The following AUTS2 variants were observed in gnomAD, a reference collection of about 807,000 sequenced individuals.
AUTS2 encodes the protein activator of transcription and developmental regulator AUTS2, also known as autism susceptibility gene 2 protein.
A neutral mutation model predicts 112.4 loss-of-function variants in AUTS2; 17 were observed. That is an observed-to-expected ratio of 0.15 (90% confidence interval 0.10 to 0.23). The LOEUF (loss-of-function observed/expected upper bound fraction) is 0.23, where lower values mean the gene tolerates loss of function less well. AUTS2 is among the 10% of genes least tolerant of loss of function. The pLI, the probability that AUTS2 is intolerant of heterozygous loss-of-function variation, is 1.00. For missense variants in AUTS2, 1,510 were observed against 1,701.6 expected, an observed-to-expected ratio of 0.89 and a Z score of 1.98; for synonymous variants, 751 against 702.7, an observed-to-expected ratio of 1.07 and a Z score of -1.09.
chr7:70,303,927 C>A (rs1159310701), intron 4 of AUTS2, among the ~76,000 whole-genome samples: 1 of 152,140 alleles, frequency 6.6e-6, no homozygotes, highest in African/African-American at 2.4e-5. Flanking sequence ...TTCTTTATAT[C>A]CTAACCACAT....
chr7:70,043,017 TAAA>T (rs71978854), intron 2 of AUTS2, among the ~76,000 whole-genome samples: 3 of 127,452 alleles, frequency 2.4e-5, no homozygotes, highest in Non-Finnish European at 1.7e-5. Context: ...GCACACTCAC[TAAA>T]AAAAAAAAAA....
chr7:70,786,131 A>G (rs1585691831), intron 17 of AUTS2, 93 bp downstream of exon 17: 3 of 914,120 alleles, frequency 3.3e-6, no homozygotes, highest in Non-Finnish European at 3.2e-6. Context: ...AAAGGAAACT[A>G]TGCTCTGGGG....
intron 4 of AUTS2, among the ~76,000 whole-genome samples, chr7:70,381,769 C>T (rs1034854489): frequency 2.0e-5 from 3 of 152,192 alleles, no homozygotes; most frequent in Non-Finnish European, 4.4e-5. Flanking sequence ...TCCTTTGTCA[C>T]ATTGACTTCC....
intron 2 of AUTS2, among the ~76,000 whole-genome samples, chr7:70,041,769 A>G (rs1377974249): frequency 6.6e-6 from 1 of 152,166 alleles, no homozygotes; most frequent in Non-Finnish European, 1.5e-5. Flanking sequence ...GGGAATGGAT[A>G]ATTATTTTGT....
chr7:70,197,089 T>C (rs1462573100), intron 4 of AUTS2, among the ~76,000 whole-genome samples: 1 of 152,196 alleles, frequency 6.6e-6, no homozygotes, highest in African/African-American at 2.4e-5. Context: ...CTTATATACA[T>C]TTGCGACATG....
intron 4 of AUTS2, among the ~76,000 whole-genome samples, chr7:70,344,552 G>C (rs1791409821): frequency 6.6e-6 from 1 of 152,148 alleles, no homozygotes; most frequent in Non-Finnish European, 1.5e-5. Context: ...CTGCTTTACT[G>C]AGTGGTCTTA....
At chr7:69,965,726 T>C (rs1797610838) in intron 2 of AUTS2, among the ~76,000 whole-genome samples, 1 of 152,138 alleles carries the variant, frequency 6.6e-6, no homozygotes, top group African/African-American at 2.4e-5. Flanking sequence ...TTAGAGGTCT[T>C]ATTTTTGGTG....
At chr7:70,114,996 G>C (rs925188665) in intron 2 of AUTS2, among the ~76,000 whole-genome samples, 1 of 152,122 alleles carries the variant, frequency 6.6e-6, no homozygotes, top group African/African-American at 2.4e-5. Flanking sequence ...GGTGGTGTAG[G>C]GGTGGATTTT....
chr7:69,673,474 A>C (rs1562801460), intron 1 of AUTS2, among the ~76,000 whole-genome samples: 1 of 152,258 alleles, frequency 6.6e-6, no homozygotes, highest in South Asian at 2.1e-4. Context: ...CCTAACGGAG[A>C]GATAGAAACC....
intron 4 of AUTS2, among the ~76,000 whole-genome samples, chr7:70,164,766 G>C (rs1474044854): frequency 6.6e-6 from 1 of 151,854 alleles, no homozygotes. Flanking sequence ...CCCATTTCCA[G>C]GTAGAAATAT....
At chr7:70,024,327 T>G (rs1800416188) in intron 2 of AUTS2, among the ~76,000 whole-genome samples, 1 of 152,200 alleles carries the variant, frequency 6.6e-6, no homozygotes, top group South Asian at 2.1e-4. Flanking sequence ...TTTAGTGAAT[T>G]GAGAACAACA....
intron 4 of AUTS2, among the ~76,000 whole-genome samples, chr7:70,244,966 A>G (rs536660800): frequency 4.0e-5 from 6 of 151,708 alleles, no homozygotes; most frequent in Non-Finnish European, 7.4e-5. Flanking sequence ...CTAAAAATAC[A>G]AAAATTAGCT....
intron 5 of AUTS2, among the ~76,000 whole-genome samples, chr7:70,687,664 C>T (rs182153251): frequency 2.6e-5 from 4 of 152,252 alleles, no homozygotes; most frequent in Admixed American, 1.3e-4. Context: ...TGTAGCAACA[C>T]GGGCATATAA....
At chr7:69,746,978 C>T (rs985196402) in intron 1 of AUTS2, among the ~76,000 whole-genome samples, 2 of 152,166 alleles carry the variant, frequency 1.3e-5, no homozygotes, top group African/African-American at 4.8e-5. Flanking sequence ...AAGAGCCTGG[C>T]ATTGTTGGCA....
intron 1 of AUTS2, among the ~76,000 whole-genome samples, chr7:69,660,628 G>A (rs1330816816): frequency 6.6e-6 from 1 of 152,142 alleles, no homozygotes. Context: ...TAATGATGAA[G>A]CAAAACAAAA....
intron 4 of AUTS2, among the ~76,000 whole-genome samples, chr7:70,169,353 G>T (rs1421968043): frequency 1.3e-5 from 2 of 151,874 alleles, no homozygotes; most frequent in African/African-American, 4.8e-5. Context: ...CCATTCTCTT[G>T]CCTCAGCCTC....
At chr7:70,567,659 G>C (rs1466717039) in intron 5 of AUTS2, among the ~76,000 whole-genome samples, 1 of 152,210 alleles carries the variant, frequency 6.6e-6, no homozygotes, top group Non-Finnish European at 1.5e-5. Context: ...GCAGTACACA[G>C]TGCCGGCAGA....
At chr7:70,626,898 CTT>C (rs1804981283) in intron 5 of AUTS2, among the ~76,000 whole-genome samples, 1 of 152,178 alleles carries the variant, frequency 6.6e-6, no homozygotes, top group African/African-American at 2.4e-5. Context: ...ATTACACTGT[CTT>C]TATCCAGTCC....
chr7:70,473,712 CTTT>C (rs112680628), intron 5 of AUTS2, among the ~76,000 whole-genome samples: 8 of 130,550 alleles, frequency 6.1e-5, no homozygotes, highest in Non-Finnish European at 8.3e-5. Flanking sequence ...TTTGGTGGGG[CTTT>C]TTTTTTTTTT....
Sources: gnomAD v4.1 joint callset for allele counts (sites outside exome capture counted in the v4.1 genomes callset) on GRCh38, gnomAD v4.1.1 for gene constraint, MANE v1.5 for transcripts, NCBI Gene and HGNC (gene_info 2026-07-23, HGNC 2026-07-21) for gene names.